Variants in CEP120 observed in about 807,000 individuals in gnomAD.
CEP120 encodes centrosomal protein 120.
CEP120 carries 113 observed loss-of-function variants against 126.5 expected under a neutral mutation model. The observed-to-expected ratio is 0.89, with a 90% CI of 0.77 to 1.04. The LOEUF (loss-of-function observed/expected upper bound fraction) is 1.04. CEP120 is among the 50% of genes least tolerant of loss of function. The pLI is 0.00. For missense variants in CEP120, 1,230 were observed against 1,155.7 expected (o/e 1.06, Z -0.93); for synonymous variants, 400 against 394.3 (o/e 1.01, Z -0.17).
chr5:123,362,416 C>T (rs1770151740), intron 18 of CEP120, among the ~76,000 whole-genome samples: 1 of 151,746 alleles, frequency 6.6e-6, no homozygotes, highest in East Asian at 1.9e-4. Flanking sequence ...GCTTTCAATG[C>T]TGGGTCTATC....
Position 123,381,684 on chromosome 5 carries a change from T to C in CEP120, c.2103+427A>G, listed in dbSNP as rs1392501769. Among the ~76,000 whole-genome samples the C allele has an allele frequency of 2.6e-5, 4 of 152,212 alleles. No individual in the cohort carries two copies. In the South Asian group the frequency reaches 6.2e-4, roughly 24 times the overall value. On this transcript the variant is annotated intron_variant, in intron 14 of 19. Coordinates refer to ENST00000306467, the MANE Select transcript of CEP120 (RefSeq NM_001375405.1). ...ATTATAATATGTAGTTTTATATATA[T>C]TGAAATGTGCTTTTATTTCTTTTTT...
intron 19 of CEP120, among the ~76,000 whole-genome samples, chr5:123,349,366 G>T (rs1769046953): frequency 6.6e-6 from 1 of 151,976 alleles, no homozygotes; most frequent in African/African-American, 2.4e-5. Flanking sequence ...AAAGGGCCGG[G>T]CAATATAAGA....
At chr5:123,383,653 CAT>C (rs1771818368) in intron 11 of CEP120, among the ~76,000 whole-genome samples, 2 of 152,164 alleles carry the variant, frequency 1.3e-5, no homozygotes, top group Non-Finnish European at 2.9e-5. Context: ...TGTACATACT[CAT>C]AAATATTTTA....
At chr5:123,409,416 T>C (rs1468493050) in intron 4 of CEP120, among the ~76,000 whole-genome samples, 1 of 151,882 alleles carries the variant, frequency 6.6e-6, no homozygotes, top group Non-Finnish European at 1.5e-5. Flanking sequence ...CTTAGAGCCT[T>C]ACTAATGGAA....
intron 18 of CEP120, among the ~76,000 whole-genome samples, chr5:123,355,734 C>T (rs1580633549): frequency 6.6e-6 from 1 of 151,784 alleles, no homozygotes; most frequent in Non-Finnish European, 1.5e-5. Flanking sequence ...CTGTAGGTTG[C>T]CTGTTCACTC....
chr5:123,364,463 A>C, intron 18 of CEP120, 33 bp downstream of exon 18: 2 of 1,406,134 alleles, frequency 1.4e-6, no homozygotes, highest in Non-Finnish European at 2.0e-6. Flanking sequence ...CAAGGGAAAA[A>C]GATATAAAAA....
intron 16 of CEP120, among the ~76,000 whole-genome samples, chr5:123,375,921 C>T (rs983125596): frequency 1.3e-5 from 2 of 151,674 alleles, no homozygotes; most frequent in African/African-American, 2.4e-5. Flanking sequence ...ACTTGGGAGG[C>T]ATTCATCATA....
chr5:123,377,422 C>A lies in CEP120; in HGVS notation c.2310G>T (p.Arg770Ser). 1 of 1,611,026 alleles carries A rather than the reference C, an allele frequency of 6.2e-7. No homozygotes were observed. The highest frequency in any genetic ancestry group is 8.5e-7 in the Non-Finnish European group (1 of 1,179,026). The change falls in exon 16 of 20, where the codon AGG (arginine) becomes AGT (serine). Residue 770 changes from arginine to serine, a missense_variant. By Grantham distance (110) the Arg-to-Ser change is moderately radical. Transcript: ENST00000306467. ...CCTCTTCGAGCTGTTTGATTTTTAA[C>A]CTTTCTAGTTCTACTTGGTGAATAC... ...EDCIHQVELE[R>S]LKIKQLEEDK...
intron 18 of CEP120, among the ~76,000 whole-genome samples, chr5:123,361,452 G>A (rs533160771): frequency 6.6e-6 from 1 of 151,912 alleles, no homozygotes; most frequent in Middle Eastern, 3.4e-3. Context: ...CTTGCTGAAT[G>A]AATGAAAGAA....
At chr5:123,393,735 T>C (rs566267618) in intron 5 of CEP120, among the ~76,000 whole-genome samples, 2 of 152,326 alleles carry the variant, frequency 1.3e-5, no homozygotes, top group East Asian at 3.9e-4. Context: ...GTTTTAAAGT[T>C]TTCATTGCAT....
At chr5:123,382,323 TCTA>T in intron 13 of CEP120, 123 bp from the exon 14 acceptor site, 27 of 351,816 alleles carry the variant, frequency 7.7e-5, no homozygotes, top group African/African-American at 1.2e-4. Context: ...TCTTTTTTAT[TCTA>T]AAAAAAAAAA....
chr5:123,375,653 T>C (rs1337455009), intron 16 of CEP120, among the ~76,000 whole-genome samples: 1 of 152,088 alleles, frequency 6.6e-6, no homozygotes, highest in Non-Finnish European at 1.5e-5. Context: ...TACAGATATG[T>C]GTATTTCTTA....
At chr5:123,420,887 A>C (rs984255485) in intron 1 of CEP120, among the ~76,000 whole-genome samples, 4 of 152,212 alleles carry the variant, frequency 2.6e-5, no homozygotes, top group Admixed American at 6.5e-5. Flanking sequence ...AGAAATGGAG[A>C]GTGAATCCAG....
In CEP120 at chr5:123,383,048, CTGTG is replaced by C. The variant is rs1297217626; in HGVS notation, c.1794_1797del (p.Tyr598Ter). 6.4e-7 allele frequency: 1 copy of C among 1,563,574 alleles called. No individual in the cohort carries two copies. ...ACTAGTCCATAATCTTCTAGAGTCA[CTGTG>C]TAAGAAAGATCTGCTATCCTGTTAT... On this transcript the variant is annotated frameshift_variant, in exon 12 of 20. Coordinates refer to ENST00000306467, the MANE Select transcript of CEP120 (RefSeq NM_001375405.1). LOFTEE classifies it high-confidence loss of function.
intron 10 of CEP120, 89 bp downstream of exon 10, chr5:123,386,429 A>T: frequency 1.0e-6 from 1 of 962,160 alleles, no homozygotes; most frequent in Non-Finnish European, 1.4e-6. Flanking sequence ...CTATGGATTT[A>T]AACCTATAAG....
chr5:123,368,642 G>C (rs1448077331), intron 17 of CEP120, among the ~76,000 whole-genome samples: 2 of 151,914 alleles, frequency 1.3e-5, no homozygotes, highest in African/African-American at 4.8e-5. Flanking sequence ...ATATTTCAGG[G>C]AGATGGCTGA....
chr5:123,395,899 G>A (rs1403780226), intron 5 of CEP120, among the ~76,000 whole-genome samples: 2 of 151,332 alleles, frequency 1.3e-5, no homozygotes, highest in African/African-American at 4.9e-5. Flanking sequence ...AGCCAGGATG[G>A]TCTCGATCTC....
chr5:123,398,850 T>C (rs1320655115), intron 5 of CEP120, among the ~76,000 whole-genome samples: 3 of 152,190 alleles, frequency 2.0e-5, no homozygotes, highest in Admixed American at 6.5e-5. Flanking sequence ...AATCCTTCCA[T>C]GTCAGTCCTT....
chr5:123,385,079 A>G lies in CEP120; in HGVS notation c.1635T>C (p.Leu545=), dbSNP rs1771926279. ...WHKDKMSKDL[L]LGIARIQLSN... The stretch of plus-strand genomic sequence containing the variant: ...AAAGCTGGATTCTCGCAATTCCCAG[A>G]AGTAAATCTTTACTCATTTTATCCT... Residue 545 remains leucine (L), a synonymous_variant, in exon 11 of 20, where the codon CTT becomes CTC. Coordinates refer to ENST00000306467, the MANE Select transcript of CEP120 (RefSeq NM_001375405.1). 6.2e-7 allele frequency: 1 copy of G among 1,613,628 alleles called. No individual in the cohort carries two copies. The highest frequency in any genetic ancestry group is 1.3e-5 in the African/African-American group (1 of 74,868).
Sources: gnomAD v4.1 joint callset for allele counts (sites outside exome capture counted in the v4.1 genomes callset) on GRCh38, gnomAD v4.1.1 for gene constraint, MANE v1.5 for transcripts, NCBI Gene and HGNC (gene_info 2026-07-23, HGNC 2026-07-21) for gene names.